CADM2: variants seen among roughly 807,000 people sequenced by gnomAD.
CADM2 encodes immunoglobulin superfamily member 4D.
In CADM2, 12 loss-of-function variants were observed where a neutral mutation model predicts 49.8. The observed-to-expected ratio is 0.24, with a 90% CI of 0.15 to 0.39. The LOEUF is 0.39. Ranked by LOEUF, CADM2 falls within the 10% of genes least tolerant of loss-of-function variation. The pLI is 1.00. For missense variants in CADM2, 378 were observed against 492.3 expected, an observed-to-expected ratio of 0.77 and a Z score of 2.20; for synonymous variants, 214 against 175.4, an observed-to-expected ratio of 1.22 and a Z score of -1.74.
chr3:85,878,802 T>C (rs1712305502), intron 3 of CADM2, among the ~76,000 whole-genome samples: 1 of 152,140 alleles, frequency 6.6e-6, no homozygotes, highest in African/African-American at 2.4e-5. Flanking sequence ...AAATACAGTC[T>C]GGCTAAAATA....
chr3:85,908,940 G>T (rs12493341), intron 5 of CADM2, among the ~76,000 whole-genome samples: 1 of 151,770 alleles, frequency 6.6e-6, no homozygotes, highest in Non-Finnish European at 1.5e-5. Context: ...TAGCCAGGAT[G>T]GTCTCGATAT....
chr3:85,032,000 A>G (rs1462880353), intron 1 of CADM2, among the ~76,000 whole-genome samples: 1 of 152,080 alleles, frequency 6.6e-6, no homozygotes, highest in South Asian at 2.1e-4. Context: ...TGTATTTATC[A>G]TTGCTTGGTT....
At chr3:85,067,228 ATAT>A (rs2036558522) in intron 1 of CADM2, among the ~76,000 whole-genome samples, 1 of 151,996 alleles carries the variant, frequency 6.6e-6, no homozygotes, top group Admixed American at 6.6e-5. Flanking sequence ...AGTACAACTA[ATAT>A]TATTGGTGCT....
intron 1 of CADM2, among the ~76,000 whole-genome samples, chr3:85,395,156 G>T (rs569552431): frequency 1.3e-5 from 2 of 151,828 alleles, no homozygotes; most frequent in East Asian, 3.9e-4. Flanking sequence ...AATTTAGCCA[G>T]GTGTATTGGT....
chr3:85,426,241 A>T lies in CADM2; in HGVS notation c.62-300281A>T, dbSNP rs1158128574. 2.6e-5 allele frequency among the ~76,000 whole-genome samples: 4 copies of T among 151,892 alleles called. No homozygotes were observed. The East Asian group carries it at 7.8e-4, about 30-fold the overall frequency. ...ACTGCAGCCTCGACCTCTTAGGCTC[A>T]AGCAATCTCCCTGCCTCAGCCTCCC... On this transcript the variant is annotated intron_variant, in intron 1 of 9. Coordinates refer to ENST00000383699, the MANE Select transcript of CADM2 (RefSeq NM_001167675.2).
In CADM2 at chr3:85,638,511, C is replaced by T. The variant is rs73141364; in HGVS notation, c.62-88011C>T. On this transcript the variant is annotated intron_variant, in intron 1 of 9. Transcript: ENST00000383699. ...CTTTCTAAACAGTTTTTATATGTTT[C>T]AACAGAACTAGTTATAAGAAATTCA... 4.7e-3 allele frequency among the ~76,000 whole-genome samples: 714 copies of T among 152,098 alleles called. 3 individuals carry two copies. The highest frequency in any genetic ancestry group is 1.0e-2 in the Admixed American group (152 of 15,270).
At chr3:85,590,300 A>G (rs1018741534) in intron 1 of CADM2, among the ~76,000 whole-genome samples, 3 of 152,076 alleles carry the variant, frequency 2.0e-5, no homozygotes, top group Non-Finnish European at 4.4e-5. Context: ...ATAGTTTGTC[A>G]TAAATACCAA....
chr3:85,013,841 ATAT>A (rs1050257971), intron 1 of CADM2, among the ~76,000 whole-genome samples: 2 of 147,600 alleles, frequency 1.4e-5, no homozygotes, highest in African/African-American at 2.5e-5. Context: ...TATTAATATA[ATAT>A]TGTACTGAGG....
intron 7 of CADM2, among the ~76,000 whole-genome samples, chr3:85,956,971 C>T (rs1724143542): frequency 6.6e-6 from 1 of 151,538 alleles, no homozygotes; most frequent in Non-Finnish European, 1.5e-5. Flanking sequence ...AAATTACTTC[C>T]TTTGAGTAGT....
At chr3:85,019,326 A>T (rs1168682024) in intron 1 of CADM2, among the ~76,000 whole-genome samples, 1 of 151,996 alleles carries the variant, frequency 6.6e-6, no homozygotes, top group East Asian at 1.9e-4. Context: ...CTACCAAAAA[A>T]TTAAAAATTA....
intron 1 of CADM2, among the ~76,000 whole-genome samples, chr3:85,165,829 A>G (rs576984969): frequency 5.3e-5 from 8 of 151,952 alleles, no homozygotes; most frequent in African/African-American, 1.9e-4. Flanking sequence ...ACCAGTAATT[A>G]TAGTTCTCTG....
chr3:85,082,473 C>G (rs2107503182), intron 1 of CADM2, among the ~76,000 whole-genome samples: 1 of 152,270 alleles, frequency 6.6e-6, no homozygotes, highest in South Asian at 2.1e-4. Context: ...AGGCCATGCT[C>G]TTTCTTTAGA....
chr3:86,017,882 A>G (rs1243159761), intron 8 of CADM2, among the ~76,000 whole-genome samples: 2 of 146,500 alleles, frequency 1.4e-5, no homozygotes, highest in African/African-American at 5.0e-5. Flanking sequence ...TATTTTTATT[A>G]TTTTTTTATT....
intron 1 of CADM2, among the ~76,000 whole-genome samples, chr3:85,650,000 A>T (rs748894203): frequency 1.3e-5 from 2 of 152,122 alleles, no homozygotes; most frequent in Non-Finnish European, 2.9e-5. Context: ...AAACCTCTTC[A>T]TTTCTCCTCA....
chr3:85,138,670 A>C (rs930704011), intron 1 of CADM2, among the ~76,000 whole-genome samples: 12 of 152,180 alleles, frequency 7.9e-5, no homozygotes, highest in African/African-American at 2.9e-4. Flanking sequence ...TGTTTGAAAA[A>C]TAAATGGTGA....
intron 1 of CADM2, among the ~76,000 whole-genome samples, chr3:85,522,400 G>A (rs191257961): frequency 2.0e-5 from 3 of 152,044 alleles, no homozygotes; most frequent in East Asian, 3.9e-4. Flanking sequence ...CATGCAGTTC[G>A]TCCCACAAAG....
intron 1 of CADM2, among the ~76,000 whole-genome samples, chr3:85,219,972 C>A (rs1350937601): frequency 6.6e-6 from 1 of 152,016 alleles, no homozygotes; most frequent in Non-Finnish European, 1.5e-5. Context: ...ATCCTATTTT[C>A]AACTTAGAAT....
At chr3:85,476,058 T>G (rs2038961843) in intron 1 of CADM2, among the ~76,000 whole-genome samples, 1 of 151,882 alleles carries the variant, frequency 6.6e-6, no homozygotes, top group Admixed American at 6.6e-5. Flanking sequence ...CTGCAGGTTG[T>G]CTATATTTCA....
At chr3:85,869,751 T>C (rs961992877) in intron 3 of CADM2, among the ~76,000 whole-genome samples, 6 of 152,252 alleles carry the variant, frequency 3.9e-5, no homozygotes, top group Non-Finnish European at 7.4e-5. Context: ...CTCTGCATCC[T>C]GGGTTCACGC....
Sources: gnomAD v4.1 joint callset for allele counts (sites outside exome capture counted in the v4.1 genomes callset) on GRCh38, gnomAD v4.1.1 for gene constraint, MANE v1.5 for transcripts, NCBI Gene and HGNC (gene_info 2026-07-23, HGNC 2026-07-21) for gene names.